The following TBC1D4 variants were observed in gnomAD, a reference collection of about 807,000 sequenced individuals.
TBC1D4 encodes the protein TBC1 domain family member 4.
In TBC1D4, 121 loss-of-function variants were observed where a neutral mutation model predicts 142.5. That is an observed-to-expected ratio of 0.85 (90% CI 0.73 to 0.99). TBC1D4 has a LOEUF of 0.99. TBC1D4 is among the 50% of genes least tolerant of loss of function. The pLI, the probability that TBC1D4 is intolerant of heterozygous loss-of-function variation, is 0.00. For synonymous variants in TBC1D4, 630 were observed against 628.2 expected (o/e 1.00, Z -0.04); for missense variants, 1,475 against 1,606.6 (o/e 0.92, Z 1.40).
intron 1 of TBC1D4, among the ~76,000 whole-genome samples, chr13:75,470,340 C>T (rs545401232): frequency 6.6e-6 from 1 of 152,230 alleles, no homozygotes; most frequent in African/African-American, 2.4e-5. Flanking sequence ...ATAGTTTTGC[C>T]AACCCACTGT....
chr13:75,472,123 A>AAG (rs1392612117), intron 1 of TBC1D4, among the ~76,000 whole-genome samples: 1,518 of 146,942 alleles, frequency 0.01, 35 homozygotes, highest in African/African-American at 0.012. Flanking sequence ...AAAAAAAAAA[A>AAG]AAAGAAAAGA....
chr13:75,411,607 C>T (rs1885668219), intron 1 of TBC1D4, among the ~76,000 whole-genome samples: 1 of 151,802 alleles, frequency 6.6e-6, no homozygotes, highest in African/African-American at 2.4e-5. Flanking sequence ...CTCACTGCAA[C>T]CTCTGCCTCC....
At chr13:75,306,583 A>G in intron 14 of TBC1D4, 112 bp from the exon 15 acceptor site, 1 of 1,277,248 alleles carries the variant, frequency 7.8e-7, no homozygotes, top group Admixed American at 2.1e-5. Flanking sequence ...ATCAACTGGT[A>G]GTGTATCTCA....
At chr13:75,400,055 T>C (rs1290496009) in intron 1 of TBC1D4, among the ~76,000 whole-genome samples, 2 of 152,180 alleles carry the variant, frequency 1.3e-5, no homozygotes, top group Admixed American at 6.5e-5. Flanking sequence ...GCAGACACTA[T>C]GTGGAGTACA....
At chr13:75,391,194 T>A (rs1222002640) in intron 1 of TBC1D4, among the ~76,000 whole-genome samples, 4 of 32,074 alleles carry the variant, frequency 1.2e-4, no homozygotes, top group Non-Finnish European at 2.2e-4. Context: ...CCCCATCAGT[T>A]TACACACACA....
At chr13:75,419,943 A>G (rs1252468643) in intron 1 of TBC1D4, among the ~76,000 whole-genome samples, 1 of 152,250 alleles carries the variant, frequency 6.6e-6, no homozygotes, top group East Asian at 1.9e-4. Context: ...AAGGATCAGA[A>G]GTCCTCGCGC....
At position 75,326,189 on chromosome 13, in the gene TBC1D4, A is replaced by T; in HGVS notation, c.2033+8T>A. The T allele has an allele frequency of 6.2e-7, 1 of 1,614,046 alleles. No homozygotes were observed. Among genetic ancestry groups the T allele is most frequent in the Non-Finnish European group, 8.5e-7 (1 of 1,179,944 alleles). On this transcript the variant is annotated splice_region_variant and intron_variant, in intron 10 of 20. Transcript: ENST00000377636. ...TCTAGGTCTCATTCTGGAGAGGGTCAGACTCACCTGCACTGTTCACTGGAG... is the reference window on the plus strand; with the variant it reads ...TCTAGGTCTCATTCTGGAGAGGGTCTGACTCACCTGCACTGTTCACTGGAG...
intron 1 of TBC1D4, among the ~76,000 whole-genome samples, chr13:75,446,066 C>T (rs891100225): frequency 6.6e-5 from 10 of 152,080 alleles, no homozygotes; most frequent in Non-Finnish European, 1.3e-4. Context: ...AGCTGAGCAG[C>T]GGAAAATGAT....
At chr13:75,304,502 T>C (rs1876949221) in intron 15 of TBC1D4, among the ~76,000 whole-genome samples, 1 of 152,086 alleles carries the variant, frequency 6.6e-6, no homozygotes, top group African/African-American at 2.4e-5. Flanking sequence ...ATTAAACAAA[T>C]ACACACATAA....
intron 1 of TBC1D4, among the ~76,000 whole-genome samples, chr13:75,395,277 A>G (rs1020195636): frequency 6.6e-6 from 1 of 152,144 alleles, no homozygotes; most frequent in Non-Finnish European, 1.5e-5. Flanking sequence ...CTCACCACAG[A>G]CGCCGTGCCT....
chr13:75,350,080 C>A (rs1362026726), intron 4 of TBC1D4, among the ~76,000 whole-genome samples: 1 of 152,232 alleles, frequency 6.6e-6, no homozygotes, highest in South Asian at 2.1e-4. Context: ...ATTGTTAAAC[C>A]AATTTTAGGT....
intron 4 of TBC1D4, among the ~76,000 whole-genome samples, chr13:75,351,586 T>C (rs1365379616): frequency 5.7e-5 from 6 of 105,762 alleles, no homozygotes; most frequent in East Asian, 6.6e-4. Flanking sequence ...CACCCCACAA[T>C]AGTCCCCGGT....
chr13:75,387,849 C>T (rs1039057137), intron 1 of TBC1D4, among the ~76,000 whole-genome samples: 1 of 152,212 alleles, frequency 6.6e-6, no homozygotes, highest in African/African-American at 2.4e-5. Context: ...CTTTCTGTTA[C>T]TGCCTTAATA....
chr13:75,448,928 T>C (rs1176000492), intron 1 of TBC1D4, among the ~76,000 whole-genome samples: 1 of 152,092 alleles, frequency 6.6e-6, no homozygotes, highest in African/African-American at 2.4e-5. Flanking sequence ...TGTGAAATTT[T>C]ATAAAAGCTG....
At chr13:75,354,348 T>C (rs1180433295) in intron 4 of TBC1D4, among the ~76,000 whole-genome samples, 3 of 152,158 alleles carry the variant, frequency 2.0e-5, no homozygotes, top group Non-Finnish European at 2.9e-5. Context: ...ATTAAGCCAG[T>C]GGCAGGACGA....
chr13:75,320,068 T>C, intron 11 of TBC1D4, 31 bp from the exon 12 acceptor site: 1 of 1,612,330 alleles, frequency 6.2e-7, no homozygotes. Context: ...GGAATGGAAT[T>C]AGCACACACA....
intron 1 of TBC1D4, among the ~76,000 whole-genome samples, chr13:75,410,935 C>CAAAAAAAAAAAAAAAA (rs60172018): frequency 1.6e-5 from 1 of 63,236 alleles, no homozygotes; most frequent in African/African-American, 6.6e-5. Flanking sequence ...GACTCCGTCT[C>CAAAAAAAAAAAAAAAA]AAAAAAAAAA....
At chr13:75,481,200 G>GTCC in intron 1 of TBC1D4, 70 bp downstream of exon 1, 1 of 633,012 alleles carries the variant, frequency 1.6e-6, no homozygotes, top group Non-Finnish European at 2.6e-6. Context: ...TGGGGTCCCC[G>GTCC]CCCCTCCCGC....
At chr13:75,377,136 T>C (rs1343394884) in intron 1 of TBC1D4, 1 of 152,246 alleles carries the variant, frequency 6.6e-6, no homozygotes, top group Non-Finnish European at 1.5e-5. Flanking sequence ...CTCTAGTTCC[T>C]AGCCAGCTGC....
Sources: gnomAD v4.1 joint callset for allele counts (sites outside exome capture counted in the v4.1 genomes callset) on GRCh38, gnomAD v4.1.1 for gene constraint, MANE v1.5 for transcripts, NCBI Gene and HGNC (gene_info 2026-07-23, HGNC 2026-07-21) for gene names.